DOCK1: variants seen among roughly 807,000 people sequenced by gnomAD.
DOCK1 encodes dedicator of cytokinesis protein 1.
DOCK1 carries 138 observed loss-of-function variants against 262.7 expected under a neutral mutation model. That is an observed-to-expected ratio of 0.53 (90% CI 0.46 to 0.61). The LOEUF (loss-of-function observed/expected upper bound fraction) is 0.61. Among genes scored for constraint, DOCK1 ranks in the 20% least tolerant of loss-of-function variants. The probability of loss-of-function intolerance (pLI) is 0.00; values close to 1 mark genes in which losing one functional copy is unlikely to be tolerated. For synonymous variants in DOCK1, 866 were observed against 867.4 expected, an observed-to-expected ratio of 1.00 and a Z score of 0.03; for missense variants, 1,908 against 2,370.7, an observed-to-expected ratio of 0.80 and a Z score of 4.05.
intron 29 of DOCK1, among the ~76,000 whole-genome samples, chr10:127,301,738 GA>G (rs2061685389): frequency 6.6e-6 from 1 of 152,110 alleles, no homozygotes; most frequent in Admixed American, 6.5e-5. Context: ...TTGAGGTCAG[GA>G]GTTCGAGACC....
At chr10:127,432,569 C>T (rs991175498) in intron 47 of DOCK1, among the ~76,000 whole-genome samples, 1 of 152,064 alleles carries the variant, frequency 6.6e-6, no homozygotes, top group Non-Finnish European at 1.5e-5. Context: ...GTGCAGGTAC[C>T]CTGGAATTTT....
intron 33 of DOCK1, among the ~76,000 whole-genome samples, chr10:127,365,106 C>T (rs1010101497): frequency 2.6e-5 from 4 of 152,162 alleles, no homozygotes; most frequent in African/African-American, 7.2e-5. Flanking sequence ...TTAATTACAA[C>T]ATAGCAACCA....
intron 23 of DOCK1, among the ~76,000 whole-genome samples, chr10:127,093,084 C>G (rs186045027): frequency 6.6e-6 from 1 of 152,200 alleles, no homozygotes; most frequent in East Asian, 1.9e-4. Flanking sequence ...TCTCTTCCAG[C>G]GTCCAGGGCT....
intron 23 of DOCK1, among the ~76,000 whole-genome samples, chr10:127,073,390 G>T (rs1435538170): frequency 6.6e-6 from 1 of 152,160 alleles, no homozygotes; most frequent in Admixed American, 6.5e-5. Context: ...GGCACTACTC[G>T]ACTTCAAGTC....
intron 46 of DOCK1, among the ~76,000 whole-genome samples, chr10:127,421,473 A>G (rs1022733226): frequency 5.9e-5 from 9 of 152,234 alleles, no homozygotes; most frequent in Non-Finnish European, 1.2e-4. Flanking sequence ...AATATACATA[A>G]CATAAAATTT....
Position 126,939,060 on chromosome 10 carries a change from G to C in DOCK1, c.47-31642G>C, listed in dbSNP as rs1444274957. Among the ~76,000 whole-genome samples the C allele has an allele frequency of 7.1e-3, 960 of 135,878 alleles. 11 individuals carry two copies. The highest frequency in any genetic ancestry group is 0.024 in the African/African-American group (882 of 36,598). The allele number at this position is 135,878 out of a possible 152,430, so 89.1% of individuals were successfully genotyped here. ...AACACGGTGGGGGGATGAACACCGG[G>C]GGGGGGACGAACACCGGAGGGGACG... is the stretch of plus-strand genomic sequence containing the variant. On this transcript the variant is annotated intron_variant, in intron 1 of 51. Coordinates refer to ENST00000623213, the MANE Select transcript of DOCK1 (RefSeq NM_001290223.2).
chr10:127,343,046 A>G (rs2063498050), intron 30 of DOCK1, among the ~76,000 whole-genome samples: 1 of 152,142 alleles, frequency 6.6e-6, no homozygotes, highest in African/African-American at 2.4e-5. Context: ...GGAGTTCAAG[A>G]CCAGCCTGGC....
At chr10:127,028,867 G>C (rs914386787) in intron 16 of DOCK1, among the ~76,000 whole-genome samples, 1 of 152,182 alleles carries the variant, frequency 6.6e-6, no homozygotes, top group Non-Finnish European at 1.5e-5. Flanking sequence ...GGCCAGCCTA[G>C]TGGGCTGCAG....
At chr10:127,341,066 G>C (rs577736781) in intron 30 of DOCK1, among the ~76,000 whole-genome samples, 5 of 152,142 alleles carry the variant, frequency 3.3e-5, no homozygotes, top group South Asian at 4.2e-4. Context: ...GTGTTAGTTA[G>C]GATCTGCTAA....
chr10:126,953,922 A>T (rs2036530861), intron 1 of DOCK1, among the ~76,000 whole-genome samples: 1 of 152,176 alleles, frequency 6.6e-6, no homozygotes, highest in African/African-American at 2.4e-5. Context: ...AGAGATGTTC[A>T]GTAGTTTGCT....
chr10:127,248,945 G>T (rs898168139), intron 28 of DOCK1, among the ~76,000 whole-genome samples: 3 of 152,172 alleles, frequency 2.0e-5, no homozygotes, highest in Non-Finnish European at 4.4e-5. Flanking sequence ...GATCTAGGTT[G>T]CATGCTCCTT....
At chr10:126,923,389 C>T (rs540084628) in intron 1 of DOCK1, among the ~76,000 whole-genome samples, 11 of 151,680 alleles carry the variant, frequency 7.3e-5, no homozygotes, top group South Asian at 6.3e-4. Context: ...TTTGGGAGGC[C>T]GAGGTGGATG....
At chr10:126,942,971 A>G (rs1256563239) in intron 1 of DOCK1, among the ~76,000 whole-genome samples, 1 of 152,154 alleles carries the variant, frequency 6.6e-6, no homozygotes, top group Non-Finnish European at 1.5e-5. Context: ...AAAACAAACA[A>G]ATAGGCCGGA....
chr10:127,378,601 C>G (rs190710314), intron 35 of DOCK1, among the ~76,000 whole-genome samples: 1 of 152,054 alleles, frequency 6.6e-6, no homozygotes. Context: ...GAAGACATTT[C>G]GTATCTCCGA....
At chr10:127,324,511 A>C (rs2135596321) in intron 29 of DOCK1, among the ~76,000 whole-genome samples, 1 of 151,646 alleles carries the variant, frequency 6.6e-6, no homozygotes, top group African/African-American at 2.4e-5. Context: ...TTCTTTCTAA[A>C]CCCATTTTGC....
chr10:127,203,089 C>T (rs996173817), intron 27 of DOCK1, among the ~76,000 whole-genome samples: 1 of 152,210 alleles, frequency 6.6e-6, no homozygotes, highest in Non-Finnish European at 1.5e-5. Context: ...ATTTCGATAG[C>T]ACTCTAAGCT....
At chr10:127,259,882 T>C (rs1168299928) in intron 29 of DOCK1, among the ~76,000 whole-genome samples, 1 of 151,834 alleles carries the variant, frequency 6.6e-6, no homozygotes, top group Non-Finnish European at 1.5e-5. Context: ...GTCTTCCTCC[T>C]GCCGCCAACC....
At chr10:127,353,182 G>A (rs1210038026) in intron 31 of DOCK1, among the ~76,000 whole-genome samples, 1 of 152,112 alleles carries the variant, frequency 6.6e-6, no homozygotes, top group Admixed American at 6.5e-5. Context: ...ATTAGAACAG[G>A]GCTTCACCAC....
intron 29 of DOCK1, among the ~76,000 whole-genome samples, chr10:127,334,356 A>G (rs2063108786): frequency 6.6e-6 from 1 of 152,194 alleles, no homozygotes; most frequent in Non-Finnish European, 1.5e-5. Context: ...TTTTGTTGCT[A>G]ATGGGGTTAA....
Sources: gnomAD v4.1 joint callset for allele counts (sites outside exome capture counted in the v4.1 genomes callset) on GRCh38, gnomAD v4.1.1 for gene constraint, MANE v1.5 for transcripts, NCBI Gene and HGNC (gene_info 2026-07-23, HGNC 2026-07-21) for gene names.